The following E2F5 variants were observed in gnomAD, a reference collection of about 807,000 sequenced individuals.
E2F5 encodes E2F transcription factor 5.
Under a neutral mutation model 39.1 loss-of-function variants are expected in E2F5, and 23 were observed. That is an observed-to-expected ratio of 0.59 (90% CI 0.42 to 0.83). The LOEUF (loss-of-function observed/expected upper bound fraction) is 0.83, where lower values mean the gene tolerates loss of function less well. Ranked by LOEUF, E2F5 falls within the 40% of genes least tolerant of loss-of-function variation. E2F5 has a pLI of 0.00. For missense variants in E2F5, 365 were observed against 406.7 expected, an observed-to-expected ratio of 0.90 and a Z score of 0.88; for synonymous variants, 145 against 157.8, an observed-to-expected ratio of 0.92 and a Z score of 0.61.
chr8:85,184,476 C>T (rs1812285454), intron 1 of E2F5, among the ~76,000 whole-genome samples: 1 of 152,222 alleles, frequency 6.6e-6, no homozygotes, highest in South Asian at 2.1e-4. Context: ...TGCCCTCTCT[C>T]ACCACTCCTA....
intron 1 of E2F5, 76 bp downstream of exon 1, chr8:85,177,730 G>A (rs1267749065): frequency 8.6e-6 from 10 of 1,169,012 alleles, no homozygotes; most frequent in Non-Finnish European, 1.1e-5. Flanking sequence ...CTCGCCGCGT[G>A]GGTCTAGCGG....
intron 6 of E2F5, among the ~76,000 whole-genome samples, chr8:85,210,234 A>C (rs1470611609): frequency 6.6e-6 from 1 of 152,236 alleles, no homozygotes; most frequent in East Asian, 1.9e-4. Flanking sequence ...GATGTGTCTC[A>C]TTGCTAAAAT....
intron 1 of E2F5, among the ~76,000 whole-genome samples, chr8:85,178,693 C>T (rs189731536): frequency 5.3e-4 from 81 of 152,318 alleles, no homozygotes; most frequent in Middle Eastern, 3.4e-3. Flanking sequence ...CCTTACCTGG[C>T]TTGAGAGTGT....
At chr8:85,189,544 G>T (rs4150884) in intron 1 of E2F5, among the ~76,000 whole-genome samples, 8 of 151,776 alleles carry the variant, frequency 5.3e-5, no homozygotes, top group East Asian at 1.9e-4. Context: ...TAATTTTTGT[G>T]TATTGGTAAA....
At chr8:85,184,511 G>T (rs1248047287) in intron 1 of E2F5, among the ~76,000 whole-genome samples, 1 of 152,170 alleles carries the variant, frequency 6.6e-6, no homozygotes, top group African/African-American at 2.4e-5. Flanking sequence ...GGAAGTTCTG[G>T]CCAGGGCAGT....
At position 85,209,270 on chromosome 8, in the gene E2F5, C is replaced by T. The variant is rs1417136416; in HGVS notation, c.744C>T (p.Asp248=). ...TTTTTCCTGTTCCCCCACCTGATGA[C>T]CTCACACAGCCTTCCTCCCAGTCCT... The part of the protein sequence containing the change: ...PVVFPVPPPD[D]LTQPSSQSLT... Residue 248 remains aspartate (D), a synonymous_variant, in exon 6 of 8, where the codon GAC becomes GAT. Coordinates refer to ENST00000416274, the MANE Select transcript of E2F5 (RefSeq NM_001951.4). 6.2e-7 allele frequency: 1 copy of T among 1,614,000 alleles called. No individual in the cohort carries two copies. The highest frequency in any genetic ancestry group is 8.5e-7 in the Non-Finnish European group (1 of 1,179,886).
At position 85,213,789 on chromosome 8, in the gene E2F5, A is replaced by G. The variant is rs750157413; in HGVS notation, c.968A>G (p.Asp323Gly). The change falls in exon 8 of 8, where the codon GAT (aspartate) becomes GGT (glycine). Residue 323 changes from aspartate (D) to glycine (G), a missense_variant. Asp to Gly is a moderately conservative substitution (Grantham distance 94, BLOSUM62 -1). Transcript: ENST00000416274. ...PLLRLSPTPA[D>G]DYNFNLDDNE... ...TTAAGGCTTTCTCCTACCCCGGCAGATGACTACAACTTTAATTTAGATGAT... is the reference window on the plus strand; with the variant it reads ...TTAAGGCTTTCTCCTACCCCGGCAGGTGACTACAACTTTAATTTAGATGAT... 1 of 1,613,412 alleles carries G rather than the reference A, an allele frequency of 6.2e-7. No homozygotes were observed. Among genetic ancestry groups the G allele is most frequent in the Non-Finnish European group, 8.5e-7 (1 of 1,179,608 alleles).
In E2F5 at chr8:85,214,465, C is replaced by A; in HGVS notation, c.*603C>A. ...TATGTAGTTTGTTTTTAAAATGTGC[C>A]AATGCCTGTACATTAACAAGATTTT... On this transcript the variant is annotated 3_prime_UTR_variant, in exon 8 of 8. Coordinates refer to ENST00000416274, the MANE Select transcript of E2F5 (RefSeq NM_001951.4). 1 of 841,338 alleles carries A rather than the reference C, an allele frequency of 1.2e-6. No individual in the cohort carries two copies. The highest frequency in any genetic ancestry group is 2.0e-6 in the Non-Finnish European group (1 of 501,510). 52.1% of individuals were successfully genotyped at this position (841,338 alleles called of 1,614,324 possible).
intron 1 of E2F5, among the ~76,000 whole-genome samples, chr8:85,181,357 G>A (rs1338601373): frequency 6.6e-6 from 1 of 151,638 alleles, no homozygotes; most frequent in Non-Finnish European, 1.5e-5. Flanking sequence ...TGAGACGGGA[G>A]TCTCACTCTG....
At chr8:85,184,488 T>A (rs1415274578) in intron 1 of E2F5, among the ~76,000 whole-genome samples, 1 of 152,172 alleles carries the variant, frequency 6.6e-6, no homozygotes, top group Admixed American at 6.5e-5. Flanking sequence ...CCACTCCTAT[T>A]CAGCACAGAG....
At chr8:85,181,502 G>GTT (rs370980472) in intron 1 of E2F5, among the ~76,000 whole-genome samples, 20 of 131,374 alleles carry the variant, frequency 1.5e-4, no homozygotes, top group East Asian at 2.3e-4. Flanking sequence ...GGCTAGTTTT[G>GTT]TTTTTTTTTT....
rs972774349 is a variant in E2F5, at chr8:85,177,413, G to A, written c.-8G>A. 2.0e-6 allele frequency: 2 copies of A among 987,930 alleles called. No homozygotes were observed. Among genetic ancestry groups the A allele is most frequent in the African/African-American group, 1.8e-5 (1 of 56,928 alleles). The allele number at this position is 987,930 out of a possible 1,614,324, so 61.2% of individuals were successfully genotyped here. ...GCGGGGGCCCGACCACCGCGGGGCC[G>A]GGACGCGATGGCGGCGGCAGAGCCC... On this transcript the variant is annotated 5_prime_UTR_variant, in exon 1 of 8. Coordinates refer to ENST00000416274, the MANE Select transcript of E2F5 (RefSeq NM_001951.4).
At position 85,212,427 on chromosome 8, in the gene E2F5, C is replaced by G. The variant is rs4150972; in HGVS notation, c.931+223C>G. The G allele has an allele frequency of 1.9e-3, 894 of 472,836 alleles. 12 individuals are homozygous for G. Among genetic ancestry groups the G allele is most frequent in the African/African-American group, 0.016 (822 of 50,078 alleles). The allele number at this position is 472,836 out of a possible 1,614,324, so 29.3% of individuals were successfully genotyped here. A position where few individuals can be genotyped will look rare whatever the true frequency, so the allele number is the denominator to read the frequency against. On this transcript the variant is annotated intron_variant, in intron 7 of 7. Transcript: ENST00000416274. ...GAAAGGAATCCATATGGGGATACTT[C>G]TCACCTTCATTGAAAATAAACTGTT...
At chr8:85,184,288 G>A (rs1812279996) in intron 1 of E2F5, among the ~76,000 whole-genome samples, 3 of 152,166 alleles carry the variant, frequency 2.0e-5, no homozygotes, top group Non-Finnish European at 4.4e-5. Flanking sequence ...CTCAATAGAT[G>A]CAAAAAGGCC....
intron 6 of E2F5, among the ~76,000 whole-genome samples, chr8:85,211,560 T>G (rs890617621): frequency 2.6e-5 from 4 of 151,454 alleles, no homozygotes; most frequent in African/African-American, 9.7e-5. Flanking sequence ...GTTGAAGTTT[T>G]AAGGTTGAAT....
intron 3 of E2F5, among the ~76,000 whole-genome samples, chr8:85,205,255 T>G (rs1812777569): frequency 1.3e-5 from 2 of 151,518 alleles, no homozygotes; most frequent in African/African-American, 2.4e-5. Flanking sequence ...TTTTTTTTCC[T>G]GAGATGGAGT....
At chr8:85,195,665 AT>A (rs1022802137) in intron 1 of E2F5, among the ~76,000 whole-genome samples, 2 of 150,266 alleles carry the variant, frequency 1.3e-5, no homozygotes, top group African/African-American at 2.4e-5. Context: ...AATTTTTTTA[AT>A]TTTTTTTTGT....
In E2F5 at chr8:85,190,793, C is replaced by T. The variant is rs371372945; in HGVS notation, c.235-11354C>T. On this transcript the variant is annotated intron_variant, in intron 1 of 7. Transcript: ENST00000416274. ...TGCTGGGATTACAGGCATGAGCCACCGTGCCCAGCCAAGATGTGGAGATTT... is the reference window on the plus strand; with the variant it reads ...TGCTGGGATTACAGGCATGAGCCACTGTGCCCAGCCAAGATGTGGAGATTT... Among the ~76,000 whole-genome samples, 6 of 152,148 alleles carry T rather than the reference C, an allele frequency of 3.9e-5. No individual in the cohort carries two copies. The East Asian group carries it at 9.6e-4, about 24-fold the overall frequency.
At chr8:85,190,704 G>A (rs958087041) in intron 1 of E2F5, among the ~76,000 whole-genome samples, 143 of 151,640 alleles carry the variant, frequency 9.4e-4, no homozygotes, top group Non-Finnish European at 1.6e-3. Flanking sequence ...GAGTTTCACC[G>A]TATTGGTCAG....
Sources: gnomAD v4.1 joint callset for allele counts (sites outside exome capture counted in the v4.1 genomes callset) on GRCh38, gnomAD v4.1.1 for gene constraint, MANE v1.5 for transcripts, NCBI Gene and HGNC (gene_info 2026-07-23, HGNC 2026-07-21) for gene names.